The following DACH1 variants were observed in gnomAD, a reference collection of about 807,000 sequenced individuals.
The protein encoded by DACH1 is dachshund family transcription factor 1.
DACH1 carries 12 observed loss-of-function variants against 54.2 expected under a neutral mutation model. The observed-to-expected ratio is 0.22, with a 90% CI of 0.14 to 0.36. The LOEUF (loss-of-function observed/expected upper bound fraction) is 0.36. Ranked by LOEUF, DACH1 falls within the 10% of genes least tolerant of loss-of-function variation. The probability of loss-of-function intolerance (pLI) is 1.00; values close to 1 mark genes in which losing one functional copy is unlikely to be tolerated. For synonymous variants in DACH1, 386 were observed against 366.2 expected (o/e 1.05, Z -0.62); for missense variants, 805 against 929.8 (o/e 0.87, Z 1.75).
At chr13:71,463,418 G>T (rs1876278851) in intron 10 of DACH1, among the ~76,000 whole-genome samples, 1 of 151,868 alleles carries the variant, frequency 6.6e-6, no homozygotes, top group African/African-American at 2.4e-5. Flanking sequence ...TACATAGAAA[G>T]ACTATATATT....
chr13:71,446,772 A>C (rs990164393), intron 10 of DACH1, among the ~76,000 whole-genome samples: 7 of 152,210 alleles, frequency 4.6e-5, no homozygotes, highest in African/African-American at 1.7e-4. Flanking sequence ...TCCTGGGAGC[A>C]GGGCTTCTTT....
At chr13:71,698,293 A>C (rs1341219423) in intron 1 of DACH1, among the ~76,000 whole-genome samples, 1 of 152,180 alleles carries the variant, frequency 6.6e-6, no homozygotes, top group African/African-American at 2.4e-5. Context: ...TTAGTTAATA[A>C]ACATTAAAAG....
intron 2 of DACH1, among the ~76,000 whole-genome samples, chr13:71,676,586 A>G (rs1880589838): frequency 6.6e-6 from 1 of 152,240 alleles, no homozygotes; most frequent in Non-Finnish European, 1.5e-5. Flanking sequence ...AACTATTACA[A>G]ATGCTAATAT....
chr13:71,713,431 C>T (rs1232048806), intron 1 of DACH1, among the ~76,000 whole-genome samples: 1 of 152,094 alleles, frequency 6.6e-6, no homozygotes, highest in Non-Finnish European at 1.5e-5. Context: ...AATTATATCA[C>T]TACCAAAGTT....
chr13:71,751,145 A>G (rs535565845), intron 1 of DACH1, among the ~76,000 whole-genome samples: 1 of 152,230 alleles, frequency 6.6e-6, no homozygotes, highest in Non-Finnish European at 1.5e-5. Context: ...TCAAAGTCAA[A>G]AATAATGGTG....
intron 6 of DACH1, among the ~76,000 whole-genome samples, chr13:71,521,110 C>A (rs1191825473): frequency 6.6e-6 from 1 of 151,930 alleles, no homozygotes; most frequent in East Asian, 1.9e-4. Flanking sequence ...TATCTATTAG[C>A]CACATGACCT....
At chr13:71,821,750 C>G (rs1888197155) in intron 1 of DACH1, among the ~76,000 whole-genome samples, 1 of 152,090 alleles carries the variant, frequency 6.6e-6, no homozygotes, top group South Asian at 2.1e-4. Flanking sequence ...CTACTGATAA[C>G]TATTAAACGA....
At chr13:71,464,493 T>C in intron 10 of DACH1, 1 of 350,170 alleles carries the variant, frequency 2.9e-6, no homozygotes, top group Non-Finnish European at 5.5e-6. Flanking sequence ...GATGAGAAGT[T>C]CATTAAAGAA....
At chr13:71,539,275 T>A (rs898692300) in intron 6 of DACH1, among the ~76,000 whole-genome samples, 1 of 152,096 alleles carries the variant, frequency 6.6e-6, no homozygotes, top group East Asian at 1.9e-4. Flanking sequence ...GTGATATTCA[T>A]TGATGGGTGC....
At chr13:71,818,525 A>G (rs73501902) in intron 1 of DACH1, among the ~76,000 whole-genome samples, 2,391 of 152,310 alleles carry the variant, frequency 0.016, 61 homozygotes, top group African/African-American at 0.054. Context: ...AAGTCACTGT[A>G]GGTTGTTAAT....
intron 2 of DACH1, among the ~76,000 whole-genome samples, chr13:71,647,289 A>G (rs183161224): frequency 6.6e-6 from 1 of 152,224 alleles, no homozygotes; most frequent in Admixed American, 6.5e-5. Flanking sequence ...TAAATAATAA[A>G]GACATTAGTT....
chr13:71,543,757 A>T (rs942697520), intron 6 of DACH1, among the ~76,000 whole-genome samples: 1 of 152,190 alleles, frequency 6.6e-6, no homozygotes, highest in African/African-American at 2.4e-5. Context: ...CTTGATTACA[A>T]TACTTAATTT....
chr13:71,788,255 G>A (rs1886687292), intron 1 of DACH1, among the ~76,000 whole-genome samples: 1 of 151,898 alleles, frequency 6.6e-6, no homozygotes, highest in Non-Finnish European at 1.5e-5. Flanking sequence ...AACTTTCCTG[G>A]GGATCAATCT....
intron 1 of DACH1, among the ~76,000 whole-genome samples, chr13:71,762,370 C>G (rs931689973): frequency 6.6e-6 from 1 of 152,092 alleles, no homozygotes; most frequent in East Asian, 1.9e-4. Context: ...TGGATTTACT[C>G]TACAACTGAA....
chr13:71,487,121 G>T (rs1449132910), intron 7 of DACH1, among the ~76,000 whole-genome samples: 1 of 152,038 alleles, frequency 6.6e-6, no homozygotes, highest in Admixed American at 6.6e-5. Context: ...AAAGCGCTGG[G>T]ATTACAGGCA....
chr13:71,496,216 C>T (rs181948276), intron 6 of DACH1, among the ~76,000 whole-genome samples: 139 of 126,670 alleles, frequency 1.1e-3, no homozygotes, highest in Admixed American at 3.6e-3. Context: ...CCAGCCTGAG[C>T]GACACAGCAA....
At chr13:71,802,095 G>A (rs999782989) in intron 1 of DACH1, among the ~76,000 whole-genome samples, 1 of 151,988 alleles carries the variant, frequency 6.6e-6, no homozygotes, top group Non-Finnish European at 1.5e-5. Context: ...TTCAGTCAGG[G>A]CTAGATCCTC....
chr13:71,598,196 G>GA (rs1160943582), intron 3 of DACH1, among the ~76,000 whole-genome samples: 1 of 152,094 alleles, frequency 6.6e-6, no homozygotes, highest in Non-Finnish European at 1.5e-5. Flanking sequence ...ATGGGACCTG[G>GA]AAAACCCTAA....
At chr13:71,475,625 C>G in intron 9 of DACH1, 81 bp downstream of exon 9, 1 of 1,464,024 alleles carries the variant, frequency 6.8e-7, no homozygotes, top group Non-Finnish European at 9.1e-7. Flanking sequence ...TAGAAACATA[C>G]AAAACTACAA....
Sources: allele counts gnomAD v4.1 joint callset (sites outside exome capture counted in the v4.1 genomes callset), GRCh38; gene constraint gnomAD v4.1.1; transcripts MANE v1.5; gene names NCBI Gene and HGNC (gene_info 2026-07-23, HGNC 2026-07-21).